NPS: variants seen among roughly 807,000 people sequenced by gnomAD.
The protein encoded by NPS is neuropeptide S.
NPS carries 6 observed loss-of-function variants against 7.2 expected under a neutral mutation model. That is an observed-to-expected ratio of 0.83 (90% CI 0.46 to 1.64). NPS has a LOEUF of 1.64. NPS is among the 40% of genes most tolerant of loss of function. The pLI, the probability that NPS is intolerant of heterozygous loss-of-function variation, is 0.01. For missense variants in NPS, 123 were observed against 97.8 expected (o/e 1.26, Z -1.09); for synonymous variants, 42 against 36.7 (o/e 1.14, Z -0.52).
intron 2 of NPS, among the ~76,000 whole-genome samples, chr10:127,550,813 G>A (rs1844851183): frequency 6.6e-6 from 1 of 152,218 alleles, no homozygotes; most frequent in African/African-American, 2.4e-5. Context: ...GAATGATTAT[G>A]CAGGCAGACG....
At position 127,549,563 on chromosome 10, in the gene NPS, C is replaced by A. The variant is rs1241684674; in HGVS notation, c.83C>A (p.Ser28Tyr). ...GTGTTTTGGTGTTATCCAGTTCCAT[C>A]TTCTAAGGTAAGGATTTGCCTCCGT... ...MHVFWCYPVPSSKVSGKSDYF... is the reference protein window; with the variant it reads ...MHVFWCYPVPYSKVSGKSDYF... The change falls in exon 2 of 3, where the codon TCT (serine) becomes TAT (tyrosine). Residue 28 changes from serine (S) to tyrosine (Y), a missense_variant. Transcript: ENST00000398023. 6.3e-7 allele frequency: 1 copy of A among 1,591,350 alleles called. No homozygotes were observed. Among genetic ancestry groups the A allele is most frequent in the East Asian group, 2.2e-5 (1 of 44,754 alleles).
chr10:127,550,417 T>C (rs969596287), intron 2 of NPS, among the ~76,000 whole-genome samples: 2 of 152,180 alleles, frequency 1.3e-5, no homozygotes, highest in African/African-American at 4.8e-5. Flanking sequence ...TAGCTTCTTT[T>C]TTTTGGTTTC....
At chr10:127,549,649 G>T in intron 2 of NPS, 79 bp downstream of exon 2, 1 of 889,934 alleles carries the variant, frequency 1.1e-6, no homozygotes, top group Non-Finnish European at 1.9e-6. Flanking sequence ...TACTTTCAAG[G>T]AATATGTGAC....
rs72845561 is a variant in NPS at position 127,553,416 on chromosome 10, A to G, written c.*777A>G. Among the ~76,000 whole-genome samples, 13,348 of 152,076 alleles carry G rather than the reference A, an allele frequency of 0.088. 745 individuals carry two copies. The highest frequency in any genetic ancestry group is 0.14 in the Non-Finnish European group (9,207 of 67,944). ...TGATTAATGCCCTCTCCTTTCCCCC[A>G]TCCTTCCAGGAAAGACTGCCCACTC... On this transcript the variant is annotated 3_prime_UTR_variant, in exon 3 of 3. Transcript: ENST00000398023.
At chr10:127,550,222 G>A (rs865819122) in intron 2 of NPS, among the ~76,000 whole-genome samples, 4 of 151,878 alleles carry the variant, frequency 2.6e-5, no homozygotes, top group Non-Finnish European at 4.4e-5. Context: ...TCACTAAAAC[G>A]TAACCTGTCA....
Position 127,552,662 on chromosome 10 carries a change from G to A in NPS, c.*23G>A. The A allele has an allele frequency of 6.5e-7, 1 of 1,546,688 alleles. No individual in the cohort carries two copies. Among genetic ancestry groups the A allele is most frequent in the African/African-American group, 1.4e-5 (1 of 73,670 alleles). Reference sequence around the variant, plus strand: ...TGACTAAGTGTGCAAAGGACTCGGGGAATTAATCTAACTGTAGAGTGTGAC... The same window carrying A: ...TGACTAAGTGTGCAAAGGACTCGGGAAATTAATCTAACTGTAGAGTGTGAC... On this transcript the variant is annotated 3_prime_UTR_variant, in exon 3 of 3. Transcript: ENST00000398023.
intron 2 of NPS, among the ~76,000 whole-genome samples, chr10:127,551,548 T>A (rs1844859091): frequency 6.6e-6 from 1 of 152,088 alleles, no homozygotes; most frequent in Non-Finnish European, 1.5e-5. Context: ...AAACTTAGAG[T>A]CAGATGCCTT....
intron 2 of NPS, among the ~76,000 whole-genome samples, chr10:127,549,834 AT>A (rs1337615239): frequency 6.6e-6 from 1 of 152,136 alleles, no homozygotes; most frequent in African/African-American, 2.4e-5. Context: ...ATCTAAAGTA[AT>A]TTTTTTGCCA....
chr10:127,549,406 A>T, intron 1 of NPS, 30 bp downstream of exon 1: 1 of 1,604,332 alleles, frequency 6.2e-7, no homozygotes, highest in South Asian at 1.1e-5. Flanking sequence ...TGCAAAGAAA[A>T]ATGTTGCATT....
intron 2 of NPS, among the ~76,000 whole-genome samples, chr10:127,551,174 C>T (rs995098963): frequency 1.3e-5 from 2 of 151,954 alleles, no homozygotes; most frequent in African/African-American, 2.4e-5. Flanking sequence ...AGTGGATGTC[C>T]GACTAAGAGT....
chr10:127,552,891 G>A lies in NPS; in HGVS notation c.*252G>A, dbSNP rs79175894. Among the ~76,000 whole-genome samples the A allele has an allele frequency of 1.5e-3, 233 of 152,286 alleles. No homozygotes were observed. Among genetic ancestry groups the A allele is most frequent in the African/African-American group, 5.3e-3 (219 of 41,576 alleles). ...TCCATTAGTAACTTTTTCCTGAATG[G>A]GATGGACACTTTTGCTTTGCTTTTA... On this transcript the variant is annotated 3_prime_UTR_variant, in exon 3 of 3. Coordinates refer to ENST00000398023, the MANE Select transcript of NPS (RefSeq NM_001030013.2).
In NPS at chr10:127,549,388, C is replaced by T. The variant is rs765705759; in HGVS notation, c.8+12C>T. ...TCCAAAATGATTAGGTAAAAGGCTA[C>T]GTTTTTCTGCAAAGAAAAATGTTGC... On this transcript the variant is annotated intron_variant, in intron 1 of 2. Transcript: ENST00000398023. 3.1e-6 allele frequency: 5 copies of T among 1,608,404 alleles called. No homozygotes were observed. The highest frequency in any genetic ancestry group is 1.3e-5 in the African/African-American group (1 of 74,878).
intron 1 of NPS, 53 bp from the exon 2 acceptor site, chr10:127,549,436 A>T (rs1258690257): frequency 6.3e-7 from 1 of 1,587,984 alleles, no homozygotes; most frequent in Non-Finnish European, 8.6e-7. Context: ...TGTTTTACTT[A>T]TTCTTGCCTA....
intron 2 of NPS, among the ~76,000 whole-genome samples, chr10:127,551,447 A>T (rs1591157456): frequency 1.3e-5 from 2 of 152,330 alleles, no homozygotes; most frequent in African/African-American, 4.8e-5. Context: ...AAAAAAAAGT[A>T]TGAGTTTTAC....
In NPS at chr10:127,552,583, C is replaced by T. The variant is rs192701723; in HGVS notation, c.214C>T (p.Arg72Cys). The change falls in exon 3 of 3, where the codon CGC becomes TGC. Residue 72 changes from arginine (R) to cysteine (C), a missense_variant. Coordinates refer to ENST00000398023, the MANE Select transcript of NPS (RefSeq NM_001030013.2). ...LEKMFVKRSFRNGVGTGMKKT... is the reference protein window; with the variant it reads ...LEKMFVKRSFCNGVGTGMKKT... ...GAAGATGTTTGTGAAAAGGTCCTTT[C>T]GCAATGGAGTTGGCACAGGGATGAA... 5.5e-5 allele frequency: 88 copies of T among 1,613,590 alleles called. No homozygotes were observed. The Admixed American group carries it at 9.7e-4, about 18-fold the overall frequency.
chr10:127,549,591 T>A, intron 2 of NPS, 21 bp downstream of exon 2: 1 of 1,383,568 alleles, frequency 7.2e-7, no homozygotes. Context: ...GCCTCCGTTG[T>A]GGATATTTAA....
Position 127,552,659 on chromosome 10 carries a change from G to A in NPS, c.*20G>A, listed in dbSNP as rs1472375057. On this transcript the variant is annotated 3_prime_UTR_variant, in exon 3 of 3. Transcript: ENST00000398023. ...TCATGACTAAGTGTGCAAAGGACTC[G>A]GGGAATTAATCTAACTGTAGAGTGT... 5.1e-6 allele frequency: 8 copies of A among 1,566,390 alleles called. No homozygotes were observed. The highest frequency in any genetic ancestry group is 1.7e-4 in the Middle Eastern group (1 of 5,994).
At position 127,549,378 on chromosome 10, in the gene NPS, T is replaced by C. The variant is rs570232172; in HGVS notation, c.8+2T>C. 6 of 1,609,850 alleles carry C rather than the reference T, an allele frequency of 3.7e-6. No homozygotes were observed. The highest frequency in any genetic ancestry group is 1.1e-5 in the South Asian group (1 of 90,928). ...TTTTGGGAAGTCCAAAATGATTAGG[T>C]AAAAGGCTACGTTTTTCTGCAAAGA... is the stretch of plus-strand genomic sequence containing the variant. On this transcript the variant is annotated splice_donor_variant, in intron 1 of 2. Transcript: ENST00000398023. LOFTEE classifies it high-confidence loss of function.
At position 127,552,739 on chromosome 10, in the gene NPS, C is replaced by G. The variant is rs557782427; in HGVS notation, c.*100C>G. On this transcript the variant is annotated 3_prime_UTR_variant, in exon 3 of 3. Transcript: ENST00000398023. ...TTATCATTGAGTGTTGGCATGCTCT[C>G]TATTCTCAAATATCTTTCCTCTCCT... is the stretch of plus-strand genomic sequence containing the variant. 1.4e-4 allele frequency: 106 copies of G among 763,654 alleles called. 2 individuals carry two copies. The South Asian group carries it at 1.8e-3, about 13-fold the overall frequency. 47.3% of individuals were successfully genotyped at this position (763,654 alleles called of 1,614,324 possible). A position where few individuals can be genotyped will look rare whatever the true frequency, so the allele number is the denominator to read the frequency against.
Sources: allele counts gnomAD v4.1 joint callset (sites outside exome capture counted in the v4.1 genomes callset), GRCh38; gene constraint gnomAD v4.1.1; transcripts MANE v1.5; gene names NCBI Gene and HGNC (gene_info 2026-07-23, HGNC 2026-07-21).